Variants in ABCB5 observed in about 807,000 individuals in gnomAD.
ABCB5 encodes ATP-binding cassette sub-family B member 5.
A neutral mutation model predicts 144.2 loss-of-function variants in ABCB5; 155 were observed. That is an observed-to-expected ratio of 1.08 (90% CI 0.94 to 1.23). ABCB5 has a LOEUF of 1.23. Ranked by LOEUF, ABCB5 falls within the 50% of genes most tolerant of loss-of-function variation. ABCB5 has a pLI of 0.00. For missense variants in ABCB5, 1,830 were observed against 1,520.8 expected (o/e 1.20, Z -3.38); for synonymous variants, 610 against 528.6 (o/e 1.15, Z -2.11).
chr7:20,643,566 G>A lies in ABCB5; in HGVS notation c.612G>A (p.Trp204Ter), dbSNP rs1276452393. The A allele has an allele frequency of 1.2e-6, 2 of 1,613,958 alleles. No homozygotes were observed. Among genetic ancestry groups the A allele is most frequent in the South Asian group, 1.1e-5 (1 of 91,084 alleles). Residue 204 changes from tryptophan (W) to a stop codon, truncating the protein, a stop_gained, in exon 7 of 28, where the codon TGG (tryptophan) becomes TGA (stop). Coordinates refer to ENST00000404938, the MANE Select transcript of ABCB5 (RefSeq NM_001163941.2). LOFTEE classifies it high-confidence loss of function. ...TGGCAGTTGGTTTGGTGAAGGGCTGGAAACTCACCCTAGTGACTCTATCCA... is the reference window on the plus strand; with the variant it reads ...TGGCAGTTGGTTTGGTGAAGGGCTGAAAACTCACCCTAGTGACTCTATCCA... The part of the protein sequence containing the change: ...IGLAVGLVKG[W>*]KLTLVTLSTS...
At chr7:20,653,823 G>C (rs1307615777) in intron 13 of ABCB5, among the ~76,000 whole-genome samples, 1 of 152,252 alleles carries the variant, frequency 6.6e-6, no homozygotes, top group African/African-American at 2.4e-5. Flanking sequence ...CCATAAAGCT[G>C]CAAGCGGAAC....
At position 20,685,743 on chromosome 7, in the gene ABCB5, TGAAA is replaced by T. The variant is rs773115992; in HGVS notation, c.1924_1927del (p.Lys642ProfsTer9). The T allele has an allele frequency of 6.8e-6, 11 of 1,613,176 alleles. No individual in the cohort carries two copies. In the South Asian group the frequency reaches 8.8e-5, roughly 13 times the overall value. On this transcript the variant is annotated frameshift_variant, in exon 16 of 28. Coordinates refer to ENST00000404938, the MANE Select transcript of ABCB5 (RefSeq NM_001163941.2). LOFTEE classifies it high-confidence loss of function. ...AGATGGAGTCAATGACATATTCTAC[TGAAA>T]GAAAGACCAACTCACTTCCTCTGCA...
intron 19 of ABCB5, among the ~76,000 whole-genome samples, chr7:20,704,278 T>A (rs1017307862): frequency 6.6e-6 from 1 of 151,972 alleles, no homozygotes; most frequent in Non-Finnish European, 1.5e-5. Flanking sequence ...AGTTTTGCCA[T>A]GTTGGCCAGG....
At chr7:20,688,118 G>A (rs577787849) in intron 16 of ABCB5, among the ~76,000 whole-genome samples, 29 of 151,292 alleles carry the variant, frequency 1.9e-4, no homozygotes, top group African/African-American at 6.8e-4. Context: ...GCTTGAATCC[G>A]GGAGGCAGAG....
chr7:20,698,746 G>T (rs930180728), intron 17 of ABCB5, among the ~76,000 whole-genome samples, 196 bp downstream of exon 17: 1 of 152,152 alleles, frequency 6.6e-6, no homozygotes, highest in African/African-American at 2.4e-5. Flanking sequence ...GTGTGTGGCC[G>T]GGCCTTGTTG....
At chr7:20,632,918 G>A (rs1309046005) in intron 5 of ABCB5, among the ~76,000 whole-genome samples, 2 of 151,418 alleles carry the variant, frequency 1.3e-5, no homozygotes, top group African/African-American at 2.4e-5. Context: ...GCTAGATGAC[G>A]AGTTAGTGGG....
intron 15 of ABCB5, among the ~76,000 whole-genome samples, chr7:20,683,701 C>T (rs944883518): frequency 4.6e-5 from 7 of 152,050 alleles, no homozygotes; most frequent in Admixed American, 2.6e-4. Flanking sequence ...ATAACAACAC[C>T]GTTTTAAATA....
chr7:20,658,775 AG>A, intron 14 of ABCB5, 99 bp downstream of exon 14: 1 of 1,374,592 alleles, frequency 7.3e-7, no homozygotes, highest in Non-Finnish European at 9.9e-7. Flanking sequence ...TCAAGTTGAG[AG>A]CCCTCTTAAG....
chr7:20,632,141 C>G, intron 5 of ABCB5, 28 bp downstream of exon 5: 2 of 1,425,108 alleles, frequency 1.4e-6, no homozygotes, highest in Non-Finnish European at 1.9e-6. Context: ...GTTAATATCA[C>G]ATTCGTTGAA....
At chr7:20,627,859 T>G (rs1342399314) in intron 3 of ABCB5, among the ~76,000 whole-genome samples, 7 of 152,226 alleles carry the variant, frequency 4.6e-5, no homozygotes, top group Non-Finnish European at 8.8e-5. Context: ...AGATCAGCTT[T>G]CCATAAACTA....
chr7:20,635,056 A>C (rs1049415380), intron 5 of ABCB5, among the ~76,000 whole-genome samples: 1 of 152,118 alleles, frequency 6.6e-6, no homozygotes, highest in Non-Finnish European at 1.5e-5. Context: ...TAAGTCTTTA[A>C]TCCATCTTTA....
At chr7:20,626,859 GTGTGTGTGTGTGT>G (rs1783921708) in intron 3 of ABCB5, among the ~76,000 whole-genome samples, 1 of 103,364 alleles carries the variant, frequency 9.7e-6, no homozygotes. Flanking sequence ...TTTGGGGTGT[GTGTGTGTGTGTGT>G]GTGTGTGTGT....
rs371193140 is a variant in ABCB5, at chr7:20,681,615, T to C, written c.1818T>C (p.His606=). 4.3e-6 allele frequency: 7 copies of C among 1,614,098 alleles called. No individual in the cohort carries two copies. The highest frequency in any genetic ancestry group is 5.9e-6 in the Non-Finnish European group (7 of 1,180,040). Residue 606 remains histidine, a synonymous_variant, in exon 15 of 28, where the codon CAT becomes CAC. Transcript: ENST00000404938. The part of the protein sequence containing the change: ...KDGMLAEKGA[H]AELMAKRGLY... The stretch of plus-strand genomic sequence containing the variant: ...GAATGCTGGCGGAGAAAGGAGCACA[T>C]GCTGAACTAATGGCAAAACGAGGTC...
intron 14 of ABCB5, among the ~76,000 whole-genome samples, chr7:20,660,930 C>G (rs566894796): frequency 1.2e-4 from 18 of 152,282 alleles, no homozygotes; most frequent in Non-Finnish European, 2.2e-4. Context: ...TGAAACCAAT[C>G]AATGGTATTA....
chr7:20,695,987 C>G (rs757358244), intron 16 of ABCB5, among the ~76,000 whole-genome samples: 3 of 152,012 alleles, frequency 2.0e-5, no homozygotes, highest in Admixed American at 1.3e-4. Flanking sequence ...GCTAAAGCTA[C>G]TTTGGAAAAT....
At chr7:20,652,305 C>T (rs138002473) in intron 13 of ABCB5, among the ~76,000 whole-genome samples, 15,445 of 152,168 alleles carry the variant, frequency 0.1, 949 homozygotes, top group Non-Finnish European at 0.13. Context: ...CGGTGGCTCA[C>T]GCGTGTAATC....
intron 22 of ABCB5, 95 bp from the exon 23 acceptor site, chr7:20,728,220 C>A: frequency 3.6e-6 from 5 of 1,372,866 alleles, no homozygotes; most frequent in Middle Eastern, 2.0e-4. Flanking sequence ...CAAATTATAA[C>A]ATTTCAAAGT....
intron 24 of ABCB5, among the ~76,000 whole-genome samples, chr7:20,741,299 A>ACCT: frequency 6.6e-6 from 1 of 152,172 alleles, no homozygotes. Flanking sequence ...TTTCTAGAAT[A>ACCT]CCTCTGTGAG....
intron 20 of ABCB5, among the ~76,000 whole-genome samples, chr7:20,711,667 TAGTCTTGAACTCCTGGGCTCAAGTGAG>T (rs1260884093): frequency 3.4e-5 from 5 of 148,712 alleles, no homozygotes; most frequent in Non-Finnish European, 6.0e-5. Context: ...TTGCTCAAGC[TAGTCTTGAACTCCTGGGCTCAAGTGAG>T]CTGCCCACCT....
Sources: gnomAD v4.1 joint callset for allele counts (sites outside exome capture counted in the v4.1 genomes callset) on GRCh38, gnomAD v4.1.1 for gene constraint, MANE v1.5 for transcripts, NCBI Gene and HGNC (gene_info 2026-07-23, HGNC 2026-07-21) for gene names.